Variants in VPS13B observed in about 807,000 individuals in gnomAD.
The protein encoded by VPS13B is vacuolar protein sorting 13 homolog B.
Under a neutral mutation model 426.4 loss-of-function variants are expected in VPS13B, and 285 were observed. The ratio of observed to expected loss-of-function variants is 0.67; its 90% CI spans 0.61 to 0.74. The LOEUF (loss-of-function observed/expected upper bound fraction) is 0.74. Ranked by LOEUF, VPS13B falls within the 30% of genes least tolerant of loss-of-function variation. The probability of loss-of-function intolerance (pLI) is 0.00; values close to 1 mark genes in which losing one functional copy is unlikely to be tolerated. For missense variants in VPS13B, 4,537 were observed against 4,782.6 expected (o/e 0.95, Z 1.51); for synonymous variants, 1,676 against 1,676.4 (o/e 1.00, Z 0.01).
At chr8:99,774,830 G>T (rs1263294838) in intron 40 of VPS13B, among the ~76,000 whole-genome samples, 1 of 152,102 alleles carries the variant, frequency 6.6e-6, no homozygotes, top group Non-Finnish European at 1.5e-5. Context: ...TTGGATTACT[G>T]TGCCCATTAT....
chr8:99,367,628 T>C (rs1342488097), intron 19 of VPS13B, among the ~76,000 whole-genome samples: 3 of 152,204 alleles, frequency 2.0e-5, no homozygotes, highest in Admixed American at 2.0e-4. Flanking sequence ...CAAATAACTC[T>C]TAGATTTGAC....
intron 17 of VPS13B, among the ~76,000 whole-genome samples, chr8:99,266,071 C>T (rs1337536772): frequency 6.6e-6 from 1 of 152,084 alleles, no homozygotes; most frequent in African/African-American, 2.4e-5. Context: ...AGATCATTCT[C>T]ATTAGTTCAT....
chr8:99,112,798 A>G (rs1401711649), intron 6 of VPS13B, among the ~76,000 whole-genome samples: 1 of 152,164 alleles, frequency 6.6e-6, no homozygotes, highest in African/African-American at 2.4e-5. Flanking sequence ...GGATGTGGTT[A>G]TATTAGAGGA....
chr8:99,274,112 A>G, intron 17 of VPS13B, 86 bp from the exon 18 acceptor site: 2 of 1,545,682 alleles, frequency 1.3e-6, no homozygotes, highest in Non-Finnish European at 1.8e-6. Context: ...CAGTTAGAGT[A>G]TAATTAAGTT....
At chr8:99,311,696 C>G (rs1820984765) in intron 19 of VPS13B, among the ~76,000 whole-genome samples, 3 of 152,146 alleles carry the variant, frequency 2.0e-5, no homozygotes, top group African/African-American at 7.2e-5. Context: ...CCACTTGGTG[C>G]AGAGCTGAGT....
intron 19 of VPS13B, among the ~76,000 whole-genome samples, chr8:99,280,979 A>T (rs1214104930): frequency 6.6e-6 from 1 of 152,172 alleles, no homozygotes; most frequent in Non-Finnish European, 1.5e-5. Flanking sequence ...GTTCAGAGAC[A>T]AGTCTCTATA....
At chr8:99,268,230 G>A (rs1478785780) in intron 17 of VPS13B, among the ~76,000 whole-genome samples, 3 of 152,214 alleles carry the variant, frequency 2.0e-5, no homozygotes, top group Non-Finnish European at 4.4e-5. Context: ...AGTGTGGAAG[G>A]GAAATGTGAG....
intron 17 of VPS13B, among the ~76,000 whole-genome samples, chr8:99,262,441 C>G (rs1347022042): frequency 6.6e-6 from 1 of 152,122 alleles, no homozygotes; most frequent in African/African-American, 2.4e-5. Context: ...CCTATTGAAT[C>G]TTAGAACTAA....
chr8:99,273,424 C>T lies in VPS13B; in HGVS notation c.2516-774C>T, dbSNP rs560915498. On this transcript the variant is annotated intron_variant, in intron 17 of 61. Coordinates refer to ENST00000357162, the MANE Select transcript of VPS13B (RefSeq NM_152564.5). Reference sequence around the variant, plus strand: ...CTCGTGATCCGCTTGCCTAGGCCTGCCAAAGTGCTGGGATTACAGGCGTGA... The same window carrying T: ...CTCGTGATCCGCTTGCCTAGGCCTGTCAAAGTGCTGGGATTACAGGCGTGA... Among the ~76,000 whole-genome samples, 71 of 152,094 alleles carry T rather than the reference C, an allele frequency of 4.7e-4. 1 individual carries two copies. The highest frequency in any genetic ancestry group is 1.7e-3 in the African/African-American group (69 of 41,524).
intron 35 of VPS13B, among the ~76,000 whole-genome samples, chr8:99,678,909 T>A (rs987246643): frequency 2.6e-5 from 4 of 152,150 alleles, no homozygotes; most frequent in African/African-American, 9.7e-5. Flanking sequence ...TGGTGGCCAG[T>A]TAGTTGATGT....
intron 19 of VPS13B, among the ~76,000 whole-genome samples, chr8:99,373,166 G>T (rs1461002144): frequency 6.6e-6 from 1 of 152,084 alleles, no homozygotes; most frequent in Non-Finnish European, 1.5e-5. Flanking sequence ...CTGTTGGGAG[G>T]TGGGGGGCAA....
At chr8:99,411,026 G>A (rs371781400) in intron 21 of VPS13B, among the ~76,000 whole-genome samples, 2 of 152,108 alleles carry the variant, frequency 1.3e-5, no homozygotes, top group Admixed American at 6.6e-5. Context: ...ATAAACATAC[G>A]TGTGCATGTG....
intron 39 of VPS13B, among the ~76,000 whole-genome samples, chr8:99,743,601 C>G (rs190831176): frequency 1.3e-5 from 2 of 152,296 alleles, no homozygotes; most frequent in East Asian, 1.9e-4. Context: ...ACCAAAACAG[C>G]ATGGTACTGG....
At chr8:99,090,159 A>G (rs1200603376) in intron 3 of VPS13B, among the ~76,000 whole-genome samples, 1 of 151,554 alleles carries the variant, frequency 6.6e-6, no homozygotes, top group Non-Finnish European at 1.5e-5. Context: ...TTTTATTTTT[A>G]GTTTATGCCT....
intron 3 of VPS13B, among the ~76,000 whole-genome samples, chr8:99,073,078 A>C (rs1012588007): frequency 3.9e-5 from 6 of 152,140 alleles, no homozygotes; most frequent in African/African-American, 1.2e-4. Flanking sequence ...AGCAAGACAA[A>C]GTCCTCTTTA....
At chr8:99,734,801 T>C (rs1833754514) in intron 39 of VPS13B, among the ~76,000 whole-genome samples, 1 of 152,118 alleles carries the variant, frequency 6.6e-6, no homozygotes, top group Non-Finnish European at 1.5e-5. Context: ...GAATGTAAGA[T>C]GGAGACATCT....
chr8:99,259,193 A>T (rs960990841), intron 17 of VPS13B, among the ~76,000 whole-genome samples: 3 of 152,046 alleles, frequency 2.0e-5, no homozygotes, highest in Non-Finnish European at 2.9e-5. Context: ...AGGGCTCATG[A>T]TGTGTTTAAT....
chr8:99,144,986 G>A (rs907704988), intron 13 of VPS13B, among the ~76,000 whole-genome samples: 3 of 152,158 alleles, frequency 2.0e-5, no homozygotes, highest in Non-Finnish European at 4.4e-5. Flanking sequence ...GTAACGGAGT[G>A]AATCATGCAT....
chr8:99,096,755 CA>C lies in VPS13B; in HGVS notation c.412+341del, dbSNP rs56378823. Among the ~76,000 whole-genome samples the C allele has an allele frequency of 0.75, 87,235 of 116,968 alleles. 30,341 individuals carry two copies. The highest frequency in any genetic ancestry group is 0.83 in the South Asian group (2,906 of 3,512). 76.7% of individuals were successfully genotyped at this position (116,968 alleles called of 152,430 possible). A position where few individuals can be genotyped will look rare whatever the true frequency, so the allele number is the denominator to read the frequency against. The stretch of plus-strand genomic sequence containing the variant: ...TGGGTGACAGAGTGATACTCTGTCT[CA>C]AAAAAAAAAAAAAAAAATTGATCAT... On this transcript the variant is annotated intron_variant, in intron 4 of 61. Coordinates refer to ENST00000357162, the MANE Select transcript of VPS13B (RefSeq NM_152564.5).
Sources: gnomAD v4.1 joint callset for allele counts (sites outside exome capture counted in the v4.1 genomes callset) on GRCh38, gnomAD v4.1.1 for gene constraint, MANE v1.5 for transcripts, NCBI Gene and HGNC (gene_info 2026-07-23, HGNC 2026-07-21) for gene names.